Variants in MEPE observed in about 807,000 individuals in gnomAD.
MEPE encodes the protein matrix, extracellular phosphoglycoprotein with ASARM motif (bone).
A neutral mutation model predicts 7.3 loss-of-function variants in MEPE; 7 were observed. The ratio of observed to expected loss-of-function variants is 0.95; its 90% confidence interval spans 0.54 to 1.79. MEPE has a LOEUF of 1.79. Among genes scored for constraint, MEPE ranks in the 40% most tolerant of loss-of-function variants. The pLI is 0.00. For missense variants in MEPE, 623 were observed against 628.2 expected (o/e 0.99, Z 0.09); for synonymous variants, 214 against 213.1 (o/e 1.00, Z -0.04).
chr4:87,826,017 TC>T (rs1301891815), intron 1 of MEPE, among the ~76,000 whole-genome samples: 3 of 152,216 alleles, frequency 2.0e-5, no homozygotes, highest in African/African-American at 7.2e-5. Context: ...GGACATGATC[TC>T]ATTCTTTTTT....
At chr4:87,839,638 T>C (rs1398392648) in intron 3 of MEPE, 2 of 1,402,248 alleles carry the variant, frequency 1.4e-6, no homozygotes, top group African/African-American at 2.9e-5. Context: ...CAAAAACTTC[T>C]TTGTAAGAGA....
chr4:87,829,881 T>TTTTG (rs1722558692), upstream of MEPE, among the ~76,000 whole-genome samples: 1 of 146,494 alleles, frequency 6.8e-6, no homozygotes, highest in African/African-American at 2.5e-5. Context: ...TTTTTTTTTT[T>TTTTG]TGGACTTTGC....
At chr4:87,825,339 C>T (rs993381387) in intron 1 of MEPE, among the ~76,000 whole-genome samples, 1 of 152,124 alleles carries the variant, frequency 6.6e-6, no homozygotes, top group Non-Finnish European at 1.5e-5. Flanking sequence ...TAAAATGGGC[C>T]ATGATCAAAT....
chr4:87,839,900 A>T, intron 3 of MEPE: 1 of 1,539,134 alleles, frequency 6.5e-7, no homozygotes, highest in Non-Finnish European at 8.7e-7. Flanking sequence ...TATGGCTGGC[A>T]CTTTTGTCCC....
upstream of MEPE, among the ~76,000 whole-genome samples, chr4:87,828,593 A>C (rs182187018): frequency 2.0e-3 from 306 of 152,300 alleles, 2 homozygotes; most frequent in South Asian, 0.015. Flanking sequence ...ACAAACAAAC[A>C]AAAAAGCCTT....
chr4:87,834,727 T>C lies in MEPE; in HGVS notation c.13T>C (p.Cys5Arg), dbSNP rs1009071190. Residue 5 changes from cysteine (C) to arginine (R), a missense_variant, in exon 2 of 4, where the codon TGT becomes CGT. Transcript: ENST00000361056. The stretch of plus-strand genomic sequence containing the variant: ...GAGATTCTCAAAGATGCGAGTTTTC[T>C]GTGTGGGACTACTCCTTTTCAGTGT... Reference protein sequence around the residue: MRVFCVGLLLFSVTW... With the variant: MRVFRVGLLLFSVTW... The C allele has an allele frequency of 2.5e-6, 4 of 1,613,128 alleles. No individual in the cohort carries two copies. In the African/African-American group the frequency reaches 4.0e-5, roughly 16 times the overall value.
upstream of MEPE, among the ~76,000 whole-genome samples, chr4:87,832,048 T>G (rs1344319453): frequency 3.9e-5 from 6 of 151,966 alleles, no homozygotes; most frequent in Non-Finnish European, 7.4e-5. Context: ...TATCTCTTCT[T>G]CCAATTTGGC....
rs144955894 is a variant in MEPE, at chr4:87,846,535, G to A, written c.*89G>A. 4 of 1,413,866 alleles carry A rather than the reference G, an allele frequency of 2.8e-6. No homozygotes were observed. The East Asian group carries it at 6.8e-5, about 24-fold the overall frequency. 87.6% of individuals were successfully genotyped at this position (1,413,866 alleles called of 1,614,324 possible). On this transcript the variant is annotated 3_prime_UTR_variant, in exon 4 of 4. Transcript: ENST00000361056. ...GGAGAGCCACCTGACAGCTGACCAG[G>A]TGAAGAGAGGATAGAGTGAAGAACT... is the stretch of plus-strand genomic sequence containing the variant.
rs748526835 is a variant in MEPE at position 87,844,934 on chromosome 4, T to A, written c.109-43T>A. 24 of 1,375,848 alleles carry A rather than the reference T, an allele frequency of 1.7e-5. No homozygotes were observed. The African/African-American group carries it at 1.8e-4, about 10-fold the overall frequency. 85.2% of individuals were successfully genotyped at this position (1,375,848 alleles called of 1,614,324 possible). A position where few individuals can be genotyped will look rare whatever the true frequency, so the allele number is the denominator to read the frequency against. On this transcript the variant is annotated intron_variant, in intron 3 of 3. Coordinates refer to ENST00000361056, the MANE Select transcript of MEPE (RefSeq NM_020203.6). ...CCTAAGAATTATTATATTTTAAAAA[T>A]TTTACATAAAATAATCACTTCATAT... is the stretch of plus-strand genomic sequence containing the variant.
At chr4:87,837,157 G>A (rs1296981552) in intron 2 of MEPE, among the ~76,000 whole-genome samples, 1 of 152,120 alleles carries the variant, frequency 6.6e-6, no homozygotes, top group Non-Finnish European at 1.5e-5. Context: ...GAACAGAAAA[G>A]CCAACCAGGG....
intron 1 of MEPE, among the ~76,000 whole-genome samples, chr4:87,824,266 C>T (rs148001974): frequency 0.012 from 1,807 of 152,270 alleles, 39 homozygotes; most frequent in African/African-American, 0.041. Context: ...ACAGCTAGAA[C>T]CAAGATCAAG....
intron 3 of MEPE, among the ~76,000 whole-genome samples, chr4:87,841,512 T>C (rs560280975): frequency 9.3e-4 from 141 of 152,328 alleles, no homozygotes; most frequent in South Asian, 6.8e-3. Flanking sequence ...ACAAATATTA[T>C]ACATTGGCAC....
At chr4:87,839,707 A>G in intron 3 of MEPE, 2 of 1,550,066 alleles carry the variant, frequency 1.3e-6, no homozygotes, top group Non-Finnish European at 1.7e-6. Flanking sequence ...GGTCACTATG[A>G]GAAACATGGG....
At chr4:87,841,797 C>T (rs1378450390) in intron 3 of MEPE, among the ~76,000 whole-genome samples, 4 of 152,184 alleles carry the variant, frequency 2.6e-5, no homozygotes, top group Admixed American at 2.6e-4. Flanking sequence ...GACACTTGGG[C>T]AATTCAAGAG....
chr4:87,831,691 A>C (rs1362975747), upstream of MEPE, among the ~76,000 whole-genome samples: 1 of 152,144 alleles, frequency 6.6e-6, no homozygotes, highest in Non-Finnish European at 1.5e-5. Flanking sequence ...AAAGCATTGC[A>C]ATGACCTACA....
chr4:87,837,608 G>A (rs573263934), intron 2 of MEPE: 56 of 152,282 alleles, frequency 3.7e-4, no homozygotes, highest in African/African-American at 1.3e-3. Flanking sequence ...CCCTCTTTCT[G>A]TTTATCTCTT....
chr4:87,836,568 A>T (rs1722802584), intron 2 of MEPE, among the ~76,000 whole-genome samples: 1 of 152,180 alleles, frequency 6.6e-6, no homozygotes, highest in South Asian at 2.1e-4. Flanking sequence ...ATTTTTGAAG[A>T]GTGATATAAT....
chr4:87,828,466 G>T (rs142294315), upstream of MEPE, among the ~76,000 whole-genome samples: 234 of 152,106 alleles, frequency 1.5e-3, 2 homozygotes, highest in African/African-American at 5.3e-3. Flanking sequence ...GACCATGATA[G>T]CAGGGGAAAA....
In MEPE at chr4:87,846,006, A is replaced by G; in HGVS notation, c.1138A>G (p.Lys380Glu). Residue 380 changes from lysine (K) to glutamate (E), a missense_variant, in exon 4 of 4, where the codon AAA becomes GAA. Coordinates refer to ENST00000361056, the MANE Select transcript of MEPE (RefSeq NM_020203.6). Reference protein sequence around the residue: ...VEFHYPPAPSKEKRKEGSSDA... With the variant: ...VEFHYPPAPSEEKRKEGSSDA... ...GTTTCATTACCCTCCTGCACCCTCAAAAGAGAAAAGAAAAGAAGGCAGTAG... is the reference window on the plus strand; with the variant it reads ...GTTTCATTACCCTCCTGCACCCTCAGAAGAGAAAAGAAAAGAAGGCAGTAG... 1.2e-6 allele frequency: 2 copies of G among 1,614,002 alleles called. No homozygotes were observed. The highest frequency in any genetic ancestry group is 1.7e-6 in the Non-Finnish European group (2 of 1,179,962).
Sources: gnomAD v4.1 joint callset for allele counts (sites outside exome capture counted in the v4.1 genomes callset) on GRCh38, gnomAD v4.1.1 for gene constraint, MANE v1.5 for transcripts, NCBI Gene and HGNC (gene_info 2026-07-23, HGNC 2026-07-21) for gene names.